Variants in CACNA2D2 observed in about 807,000 individuals in gnomAD.
CACNA2D2 encodes the protein voltage-dependent calcium channel subunit alpha-2/delta-2.
In CACNA2D2, 48 loss-of-function variants were observed where a neutral mutation model predicts 166.4. The observed-to-expected ratio is 0.29, with a 90% CI of 0.23 to 0.37. CACNA2D2 has a LOEUF of 0.37. Among genes scored for constraint, CACNA2D2 ranks in the 10% least tolerant of loss-of-function variants. The pLI, the probability that CACNA2D2 is intolerant of heterozygous loss-of-function variation, is 1.00. For missense variants in CACNA2D2, 1,122 were observed against 1,433.0 expected (o/e 0.78, Z 3.50); for synonymous variants, 561 against 573.7 (o/e 0.98, Z 0.32).
At chr3:50,401,012 A>T (rs1706422336) in intron 3 of CACNA2D2, among the ~76,000 whole-genome samples, 1 of 152,174 alleles carries the variant, frequency 6.6e-6, no homozygotes, top group Non-Finnish European at 1.5e-5. Context: ...CTCTTTTTGT[A>T]TTAACCATGT....
At chr3:50,501,880 C>A (rs193050575) in intron 1 of CACNA2D2, among the ~76,000 whole-genome samples, 1 of 152,248 alleles carries the variant, frequency 6.6e-6, no homozygotes, top group Non-Finnish European at 1.5e-5. Flanking sequence ...CCCTGGGCAA[C>A]CCCCAAACAC....
chr3:50,450,157 A>C (rs1709030735), intron 2 of CACNA2D2, among the ~76,000 whole-genome samples: 1 of 152,206 alleles, frequency 6.6e-6, no homozygotes, highest in Non-Finnish European at 1.5e-5. Context: ...CCCCAAAATC[A>C]CTATACAGCC....
intron 1 of CACNA2D2, among the ~76,000 whole-genome samples, chr3:50,485,956 G>A (rs1171964352): frequency 1.3e-5 from 2 of 152,132 alleles, no homozygotes; most frequent in African/African-American, 2.4e-5. Flanking sequence ...AGGAAGCCTG[G>A]AACCACCCAC....
intron 2 of CACNA2D2, among the ~76,000 whole-genome samples, chr3:50,449,974 G>T (rs528528559): frequency 6.6e-6 from 1 of 152,186 alleles, no homozygotes; most frequent in Non-Finnish European, 1.5e-5. Context: ...AGTGGGAGGT[G>T]AGGCTCCATG....
rs760282433 is a variant in CACNA2D2, at chr3:50,375,958, C to T, written c.1773+5G>A. On this transcript the variant is annotated splice_donor_5th_base_variant and intron_variant, in intron 19 of 37. Coordinates refer to ENST00000424201, the MANE Select transcript of CACNA2D2 (RefSeq NM_006030.4). This position sits in a 1 kb window ranked among gnomAD's most constrained non-coding sequence, Gnocchi z 4.0. Reference sequence around the variant, plus strand: ...CCCCCACCCCTGTTCTCCTCCTCTCCTTACCTCTTCCTTGTTCTCATCCTC... The same window carrying T: ...CCCCCACCCCTGTTCTCCTCCTCTCTTTACCTCTTCCTTGTTCTCATCCTC... 9 of 1,613,278 alleles carry T rather than the reference C, an allele frequency of 5.6e-6. No individual in the cohort carries two copies. In the South Asian group the frequency reaches 7.7e-5, roughly 14 times the overall value.
intron 5 of CACNA2D2, 111 bp downstream of exon 5, chr3:50,387,457 C>T: frequency 4.4e-6 from 4 of 905,152 alleles, no homozygotes; most frequent in Non-Finnish European, 3.6e-6. Context: ...TGTGTCACCA[C>T]GGCTCTGCAG....
At chr3:50,387,811 G>C (rs1313307673) in intron 4 of CACNA2D2, among the ~76,000 whole-genome samples, 199 bp from the exon 5 acceptor site, 5 of 152,190 alleles carry the variant, frequency 3.3e-5, no homozygotes, top group Admixed American at 6.5e-5. Flanking sequence ...CAGGGGCCCT[G>C]CACAGGCTCC....
intron 23 of CACNA2D2, among the ~76,000 whole-genome samples, chr3:50,369,767 G>T (rs995050989): frequency 6.6e-6 from 1 of 152,230 alleles, no homozygotes; most frequent in Non-Finnish European, 1.5e-5. Flanking sequence ...GGGCTTGCTC[G>T]GGGCCCCGTC....
At chr3:50,425,617 T>C (rs1286833210) in intron 3 of CACNA2D2, among the ~76,000 whole-genome samples, 1 of 152,226 alleles carries the variant, frequency 6.6e-6, no homozygotes, top group Non-Finnish European at 1.5e-5. Context: ...ATTAAAATTC[T>C]TACTTCTCTG....
rs1363134547 is a variant in CACNA2D2 at position 50,367,223 on chromosome 3, C to G, written c.2402-114G>C. Reference sequence around the variant, plus strand: ...CCGGGATGACTCCAGCCCAAGCACCCAGCACTCAGGACAGTGTTTGGCACA... The same window carrying G: ...CCGGGATGACTCCAGCCCAAGCACCGAGCACTCAGGACAGTGTTTGGCACA... On this transcript the variant is annotated intron_variant, in intron 27 of 37. Transcript: ENST00000424201. The surrounding 1 kb of genome is among the most constrained non-coding windows in gnomAD (Gnocchi z 6.5). 7.0e-6 allele frequency: 7 copies of G among 996,952 alleles called. No individual in the cohort carries two copies. The East Asian group carries it at 1.0e-4, about 15-fold the overall frequency. 61.8% of individuals were successfully genotyped at this position (996,952 alleles called of 1,614,324 possible). A position where few individuals can be genotyped will look rare whatever the true frequency, so the allele number is the denominator to read the frequency against.
At chr3:50,480,906 A>AAGGGGGG (rs1273262201) in intron 1 of CACNA2D2, among the ~76,000 whole-genome samples, 1 of 19,912 alleles carries the variant, frequency 5.0e-5, no homozygotes, top group Non-Finnish European at 1.1e-4. Flanking sequence ...AAGGGGGAGG[A>AAGGGGGG]AAGGGGAGGA....
intron 3 of CACNA2D2, among the ~76,000 whole-genome samples, chr3:50,398,693 C>T (rs1360124281): frequency 1.3e-5 from 2 of 152,180 alleles, no homozygotes; most frequent in Admixed American, 1.3e-4. Context: ...GGTGCCTTGC[C>T]TGGCCCGTGA....
chr3:50,370,007 C>A (rs1704569203), intron 23 of CACNA2D2, among the ~76,000 whole-genome samples: 1 of 152,194 alleles, frequency 6.6e-6, no homozygotes, highest in Non-Finnish European at 1.5e-5. Context: ...GGGCATGCCA[C>A]AGACAGCCAC....
In CACNA2D2 at chr3:50,366,637, A is replaced by G; in HGVS notation, c.2590-12T>C. On this transcript the variant is annotated splice_polypyrimidine_tract_variant and intron_variant, in intron 29 of 37. Coordinates refer to ENST00000424201, the MANE Select transcript of CACNA2D2 (RefSeq NM_006030.4). This position sits in a 1 kb window ranked among gnomAD's most constrained non-coding sequence, Gnocchi z 5.9. ...CTGTTGGGGCCGCACTGCTGGGCAG[A>G]GAGTGAGGACCGTAAGCCACCCACC... 1 of 1,613,688 alleles carries G rather than the reference A, an allele frequency of 6.2e-7. No homozygotes were observed. The highest frequency in any genetic ancestry group is 2.2e-5 in the East Asian group (1 of 44,884).
intron 3 of CACNA2D2, among the ~76,000 whole-genome samples, chr3:50,396,516 A>C (rs1292976760): frequency 6.6e-6 from 1 of 152,038 alleles, no homozygotes; most frequent in Non-Finnish European, 1.5e-5. Context: ...TCTTGACCTA[A>C]ACCACAAATG....
At chr3:50,368,103 A>ACTGCCCAGAGCCAGCTGCC (rs1704448727) in intron 24 of CACNA2D2, 35 bp downstream of exon 24, 7 of 1,495,992 alleles carry the variant, frequency 4.7e-6, no homozygotes, top group Non-Finnish European at 6.5e-6. Context: ...CTGCCTGGGC[A>ACTGCCCAGAGCCAGCTGCC]CTGCCCAGAG....
At chr3:50,445,131 A>G (rs1397036818) in intron 2 of CACNA2D2, among the ~76,000 whole-genome samples, 3 of 152,164 alleles carry the variant, frequency 2.0e-5, no homozygotes, top group African/African-American at 7.2e-5. Context: ...TGGCCATCTG[A>G]GATGTTTTAA....
At chr3:50,465,347 T>C (rs924350006) in intron 2 of CACNA2D2, among the ~76,000 whole-genome samples, 1 of 152,214 alleles carries the variant, frequency 6.6e-6, no homozygotes, top group Non-Finnish European at 1.5e-5. Flanking sequence ...CACTGGTAGA[T>C]GGAGCATAAT....
At chr3:50,456,824 C>CA (rs1369097036) in intron 2 of CACNA2D2, among the ~76,000 whole-genome samples, 1 of 152,180 alleles carries the variant, frequency 6.6e-6, no homozygotes, top group African/African-American at 2.4e-5. Context: ...CTGGAAAGGT[C>CA]AGAGGAGGCA....
Sources: allele counts gnomAD v4.1 joint callset (sites outside exome capture counted in the v4.1 genomes callset), GRCh38; gene constraint gnomAD v4.1.1; non-coding constraint Gnocchi (gnomAD v3.1); transcripts MANE v1.5; gene names NCBI Gene and HGNC (gene_info 2026-07-23, HGNC 2026-07-21).